FOXP1: variants seen among roughly 807,000 people sequenced by gnomAD.
FOXP1 encodes the protein forkhead box P1, also known as forkhead box protein P1.
FOXP1 carries 15 observed loss-of-function variants against 98.2 expected under a neutral mutation model. The observed-to-expected ratio is 0.15, with a 90% CI of 0.10 to 0.24. FOXP1 has a LOEUF of 0.24. FOXP1 is among the 10% of genes least tolerant of loss of function. The probability of loss-of-function intolerance (pLI) is 1.00; values close to 1 mark genes in which losing one functional copy is unlikely to be tolerated. For missense variants in FOXP1, 633 were observed against 848.5 expected, an observed-to-expected ratio of 0.75 and a Z score of 3.15; for synonymous variants, 371 against 314.5, an observed-to-expected ratio of 1.18 and a Z score of -1.90.
At chr3:71,439,068 A>G (rs2085654391) in intron 3 of FOXP1, among the ~76,000 whole-genome samples, 1 of 152,232 alleles carries the variant, frequency 6.6e-6, no homozygotes. Flanking sequence ...CCACTGTTTC[A>G]TTAAATTGCA....
At chr3:71,342,472 A>AC (rs1215179550) in intron 4 of FOXP1, among the ~76,000 whole-genome samples, 5 of 152,066 alleles carry the variant, frequency 3.3e-5, no homozygotes, top group African/African-American at 1.2e-4. Context: ...GAGTTCGAGA[A>AC]CAGCCTGATC....
At chr3:70,998,256 T>C (rs1235063312) in intron 13 of FOXP1, among the ~76,000 whole-genome samples, 1 of 152,288 alleles carries the variant, frequency 6.6e-6, no homozygotes, top group Non-Finnish European at 1.5e-5. Flanking sequence ...AAAGCAGCAA[T>C]AGGTAATCAG....
At chr3:71,557,167 A>G (rs1174666585) in intron 2 of FOXP1, among the ~76,000 whole-genome samples, 1 of 152,240 alleles carries the variant, frequency 6.6e-6, no homozygotes, top group Non-Finnish European at 1.5e-5. Context: ...TTACAGCATC[A>G]AAATTCTAAA....
intron 5 of FOXP1, among the ~76,000 whole-genome samples, chr3:71,271,538 T>A (rs967590711): frequency 6.6e-6 from 1 of 152,248 alleles, no homozygotes; most frequent in East Asian, 1.9e-4. Flanking sequence ...CACCTATTCA[T>A]CCACTCCAGA....
At chr3:71,466,021 A>T (rs2088691414) in intron 3 of FOXP1, among the ~76,000 whole-genome samples, 1 of 152,208 alleles carries the variant, frequency 6.6e-6, no homozygotes, top group African/African-American at 2.4e-5. Flanking sequence ...GTCTTCCATG[A>T]AACAAGTCCC....
chr3:71,169,783 CAA>C (rs34872916), intron 6 of FOXP1, among the ~76,000 whole-genome samples: 68 of 82,818 alleles, frequency 8.2e-4, no homozygotes, highest in Admixed American at 1.1e-3. Flanking sequence ...AAATTACTGG[CAA>C]AAAAAAAAAA....
intron 3 of FOXP1, among the ~76,000 whole-genome samples, chr3:71,436,316 T>C (rs2085350516): frequency 6.6e-6 from 1 of 152,118 alleles, no homozygotes; most frequent in Admixed American, 6.6e-5. Context: ...AATCCTAAGA[T>C]GCAGCCTGGT....
chr3:71,535,755 T>TA (rs1253769502), intron 2 of FOXP1, among the ~76,000 whole-genome samples: 2 of 152,044 alleles, frequency 1.3e-5, no homozygotes, highest in Non-Finnish European at 2.9e-5. Context: ...GATGAGAAAT[T>TA]AGAGAACTCT....
chr3:71,295,070 G>A (rs548901643), intron 5 of FOXP1, among the ~76,000 whole-genome samples: 37 of 152,262 alleles, frequency 2.4e-4, no homozygotes, highest in East Asian at 1.5e-3. Flanking sequence ...TTACCCTGAC[G>A]GTTACAACCC....
At chr3:71,139,092 AT>A (rs1229464599) in intron 6 of FOXP1, among the ~76,000 whole-genome samples, 1 of 152,114 alleles carries the variant, frequency 6.6e-6, no homozygotes, top group Non-Finnish European at 1.5e-5. Flanking sequence ...TCTACAGGAA[AT>A]TTTCTTTTAT....
chr3:71,235,214 T>G (rs542872261), intron 5 of FOXP1, among the ~76,000 whole-genome samples: 1 of 152,286 alleles, frequency 6.6e-6, no homozygotes, highest in African/African-American at 2.4e-5. Context: ...GGGAAAAACT[T>G]TTTGGTGTAT....
At chr3:70,960,746 C>A (rs1289554035) in intron 20 of FOXP1, among the ~76,000 whole-genome samples, 1 of 152,084 alleles carries the variant, frequency 6.6e-6, no homozygotes, top group Non-Finnish European at 1.5e-5. Flanking sequence ...CTTTGGACTG[C>A]CCTTGAAGAC....
intron 3 of FOXP1, among the ~76,000 whole-genome samples, chr3:71,493,200 T>C (rs1410967275): frequency 6.6e-6 from 1 of 152,198 alleles, no homozygotes; most frequent in African/African-American, 2.4e-5. Flanking sequence ...AGAGTATGAT[T>C]AAAACAAACA....
chr3:71,000,082 A>C (rs528938220), intron 13 of FOXP1, among the ~76,000 whole-genome samples: 188 of 152,142 alleles, frequency 1.2e-3, no homozygotes, highest in African/African-American at 4.5e-3. Flanking sequence ...TTCTGACCTA[A>C]TTTTTACTTT....
At chr3:70,965,377 A>T (rs545903813) in intron 20 of FOXP1, among the ~76,000 whole-genome samples, 23 of 152,296 alleles carry the variant, frequency 1.5e-4, no homozygotes, top group African/African-American at 5.3e-4. Flanking sequence ...TGCTCCTATT[A>T]ATTTTCCTTT....
chr3:71,545,586 C>T (rs1283751450), intron 2 of FOXP1, among the ~76,000 whole-genome samples: 2 of 152,136 alleles, frequency 1.3e-5, no homozygotes, highest in Non-Finnish European at 2.9e-5. Flanking sequence ...ATTATATGCT[C>T]CTTAATGTTT....
chr3:71,578,646 T>C (rs1315305876), intron 2 of FOXP1, among the ~76,000 whole-genome samples: 2 of 152,212 alleles, frequency 1.3e-5, no homozygotes, highest in East Asian at 3.8e-4. Context: ...ATCTGCTATA[T>C]TCCTTCTCTT....
At chr3:70,971,055 G>T in intron 18 of FOXP1, 1 of 479,406 alleles carries the variant, frequency 2.1e-6, no homozygotes, top group Non-Finnish European at 3.8e-6. Context: ...AACAGGCTTG[G>T]GTCCTCCCTC....
At chr3:71,144,779 G>A (rs955766218) in intron 6 of FOXP1, among the ~76,000 whole-genome samples, 5 of 151,998 alleles carry the variant, frequency 3.3e-5, no homozygotes, top group Non-Finnish European at 5.9e-5. Context: ...AGCACAGTCG[G>A]GATACAGAAG....
Sources: allele counts gnomAD v4.1 joint callset (sites outside exome capture counted in the v4.1 genomes callset), GRCh38; gene constraint gnomAD v4.1.1; transcripts MANE v1.5; gene names NCBI Gene and HGNC (gene_info 2026-07-23, HGNC 2026-07-21).